The following PPHLN1 variants were observed in gnomAD, a reference collection of about 807,000 sequenced individuals.
PPHLN1 encodes the protein periphilin-1.
PPHLN1 carries 29 observed loss-of-function variants against 51.3 expected under a neutral mutation model. That is an observed-to-expected ratio of 0.57 (90% CI 0.42 to 0.77). The LOEUF (loss-of-function observed/expected upper bound fraction) is 0.77, where lower values mean the gene tolerates loss of function less well. Among genes scored for constraint, PPHLN1 ranks in the 30% least tolerant of loss-of-function variants. PPHLN1 has a pLI of 0.00. For synonymous variants in PPHLN1, 147 were observed against 147.8 expected, an observed-to-expected ratio of 0.99 and a Z score of 0.04; for missense variants, 436 against 438.4, an observed-to-expected ratio of 0.99 and a Z score of 0.05.
intron 4 of PPHLN1, among the ~76,000 whole-genome samples, chr12:42,363,768 T>C (rs1392935225): frequency 1.3e-5 from 2 of 152,230 alleles, no homozygotes; most frequent in Admixed American, 6.5e-5. Context: ...AATGATTATA[T>C]TGTCTATTTT....
chr12:42,349,948 G>T (rs12229224), intron 2 of PPHLN1, among the ~76,000 whole-genome samples: 1 of 151,536 alleles, frequency 6.6e-6, no homozygotes, highest in African/African-American at 2.4e-5. Context: ...GTGGTGGCCC[G>T]GCAGAGGGGC....
At chr12:42,433,036 AT>A in intron 9 of PPHLN1, 1 of 955,782 alleles carries the variant, frequency 1.0e-6, no homozygotes, top group East Asian at 2.4e-5. Context: ...CCTCAGGAAA[AT>A]CCACTGTGCA....
At chr12:42,375,129 T>C in intron 5 of PPHLN1, 55 bp downstream of exon 5, 3 of 1,314,236 alleles carry the variant, frequency 2.3e-6, no homozygotes, top group Non-Finnish European at 3.2e-6. Flanking sequence ...GATGAGAATG[T>C]ACTGAGTCAG....
chr12:42,354,350 C>G (rs1420911744), intron 3 of PPHLN1, among the ~76,000 whole-genome samples: 2 of 152,126 alleles, frequency 1.3e-5, no homozygotes, highest in Non-Finnish European at 2.9e-5. Context: ...TCCCGAGTAA[C>G]TGGGACTATA....
At chr12:42,394,434 T>C (rs1385933706) in intron 8 of PPHLN1, among the ~76,000 whole-genome samples, 1 of 152,152 alleles carries the variant, frequency 6.6e-6, no homozygotes, top group Admixed American at 6.5e-5. Flanking sequence ...TTTGATTTAC[T>C]TTTGGAATGA....
At chr12:42,393,435 A>G in intron 7 of PPHLN1, 135 bp from the exon 8 acceptor site, 1 of 798,986 alleles carries the variant, frequency 1.3e-6, no homozygotes, top group Non-Finnish European at 1.9e-6. Context: ...TGAAGGAGGA[A>G]ATAAAGAATG....
In PPHLN1 at chr12:42,441,604, G is replaced by A; in HGVS notation, c.*95G>A. 7.3e-7 allele frequency: 1 copy of A among 1,365,314 alleles called. No homozygotes were observed. The allele number at this position is 1,365,314 out of a possible 1,614,324, so 84.6% of individuals were successfully genotyped here. A position where few individuals can be genotyped will look rare whatever the true frequency, so the allele number is the denominator to read the frequency against. On this transcript the variant is annotated 3_prime_UTR_variant, in exon 10 of 10. Transcript: ENST00000358314. ...CCTTAATATATGGAATTTTTGTGATGCAGAGAAATACTTTATGATAGTTGA... is the reference window on the plus strand; with the variant it reads ...CCTTAATATATGGAATTTTTGTGATACAGAGAAATACTTTATGATAGTTGA...
At chr12:42,356,859 T>TAAA (rs1207522250) in intron 4 of PPHLN1, among the ~76,000 whole-genome samples, 1 of 152,048 alleles carries the variant, frequency 6.6e-6, no homozygotes. Flanking sequence ...AAGCGAAAAA[T>TAAA]AAATAAGTTG....
Position 42,399,537 on chromosome 12 carries a change from T to TA in PPHLN1, c.909+547dup, listed in dbSNP as rs985733259. 9.5e-6 allele frequency: 6 copies of TA among 634,186 alleles called. No individual in the cohort carries two copies. The African/African-American group carries it at 1.2e-4, about 13-fold the overall frequency. The allele number at this position is 634,186 out of a possible 1,614,324, so 39.3% of individuals were successfully genotyped here. On this transcript the variant is annotated intron_variant, in intron 9 of 9. Coordinates refer to ENST00000358314, the MANE Select transcript of PPHLN1 (RefSeq NM_201439.2). ...ATGAAGTAAATGTGAAAGGGTTTTA[T>TA]AAAATGTAACATTTTGTACAGGTGC... is the stretch of plus-strand genomic sequence containing the variant.
In PPHLN1 at chr12:42,409,706, A is replaced by G. The variant is rs141338337; in HGVS notation, c.909+10712A>G. 8.2e-3 allele frequency among the ~76,000 whole-genome samples: 1,251 copies of G among 152,146 alleles called. 13 individuals are homozygous for G. The highest frequency in any genetic ancestry group is 0.028 in the African/African-American group (1,159 of 41,546). Reference sequence around the variant, plus strand: ...ACTGCTTTAAGGTTTTTTTTTCTGAACATTGTCCTGAACGTATCCACTCCA... The same window carrying G: ...ACTGCTTTAAGGTTTTTTTTTCTGAGCATTGTCCTGAACGTATCCACTCCA... On this transcript the variant is annotated intron_variant, in intron 9 of 9. Transcript: ENST00000358314.
chr12:42,336,311 T>C (rs2070655556), intron 2 of PPHLN1, among the ~76,000 whole-genome samples: 1 of 152,242 alleles, frequency 6.6e-6, no homozygotes, highest in Non-Finnish European at 1.5e-5. Context: ...TGTTATTGGC[T>C]GTTACCTATT....
In PPHLN1 at chr12:42,429,770, A is replaced by G. The variant is rs534296359; in HGVS notation, c.910-11545A>G. On this transcript the variant is annotated intron_variant, in intron 9 of 9. Transcript: ENST00000358314. ...CACTCATGTCAGCATTTGCAGATTC[A>G]TTAATATCTAACCCATATCGAGAAG... Among the ~76,000 whole-genome samples, 112 of 152,338 alleles carry G rather than the reference A, an allele frequency of 7.4e-4. 1 individual carries two copies. The highest frequency in any genetic ancestry group is 2.6e-3 in the African/African-American group (108 of 41,584).
intron 9 of PPHLN1, among the ~76,000 whole-genome samples, chr12:42,411,195 A>G (rs1165200529): frequency 6.6e-6 from 1 of 151,718 alleles, no homozygotes; most frequent in Non-Finnish European, 1.5e-5. Context: ...GACTATCTCT[A>G]AGTCTTTAAT....
intron 9 of PPHLN1, chr12:42,433,012 C>A (rs1050687940): frequency 1.6e-6 from 2 of 1,230,164 alleles, no homozygotes; most frequent in African/African-American, 3.0e-5. Context: ...CATTAGCACA[C>A]GCCTCTCTCA....
intron 9 of PPHLN1, among the ~76,000 whole-genome samples, chr12:42,404,314 A>G (rs1045083988): frequency 1.3e-5 from 2 of 151,950 alleles, no homozygotes; most frequent in Non-Finnish European, 2.9e-5. Flanking sequence ...GGATCACTTG[A>G]GGCCAGGAGT....
At chr12:42,425,278 G>A (rs1012632361) in intron 9 of PPHLN1, among the ~76,000 whole-genome samples, 1 of 117,376 alleles carries the variant, frequency 8.5e-6, no homozygotes, top group Non-Finnish European at 1.8e-5. Context: ...ATTTTTAGTA[G>A]AGACAGGGTT....
intron 4 of PPHLN1, among the ~76,000 whole-genome samples, chr12:42,359,944 C>T (rs1199181800): frequency 6.6e-6 from 1 of 151,708 alleles, no homozygotes; most frequent in Non-Finnish European, 1.5e-5. Flanking sequence ...CTTGTCTCCA[C>T]AAAAAATACA....
intron 9 of PPHLN1, chr12:42,433,133 G>A (rs1172965085): frequency 1.3e-5 from 10 of 773,966 alleles, no homozygotes; most frequent in Admixed American, 1.7e-5. Context: ...TGTAAGTAGC[G>A]TCACAAGCAG....
intron 9 of PPHLN1, among the ~76,000 whole-genome samples, chr12:42,434,127 A>G (rs2082278626): frequency 6.6e-6 from 1 of 152,118 alleles, no homozygotes; most frequent in Admixed American, 6.6e-5. Context: ...ATCCTTTTAT[A>G]ATAAACAGTA....
Sources: allele counts gnomAD v4.1 joint callset (sites outside exome capture counted in the v4.1 genomes callset), GRCh38; gene constraint gnomAD v4.1.1; transcripts MANE v1.5; gene names NCBI Gene and HGNC (gene_info 2026-07-23, HGNC 2026-07-21).